Variants in NUP107 observed in about 807,000 individuals in gnomAD.
The protein encoded by NUP107 is nucleoporin 107.
NUP107 carries 101 observed loss-of-function variants against 141.0 expected under a neutral mutation model. The ratio of observed to expected loss-of-function variants is 0.72; its 90% CI spans 0.61 to 0.84. The LOEUF (loss-of-function observed/expected upper bound fraction) is 0.84, where lower values mean the gene tolerates loss of function less well. NUP107 is among the 40% of genes least tolerant of loss of function. The pLI, the probability that NUP107 is intolerant of heterozygous loss-of-function variation, is 0.00. For missense variants in NUP107, 941 were observed against 1,102.7 expected (o/e 0.85, Z 2.08); for synonymous variants, 319 against 363.9 (o/e 0.88, Z 1.41).
intron 5 of NUP107, among the ~76,000 whole-genome samples, chr12:68,692,894 C>T (rs1228914425): frequency 4.7e-5 from 7 of 149,620 alleles, no homozygotes; most frequent in African/African-American, 7.4e-5. Flanking sequence ...GGATTATAGG[C>T]GTCTGCTACC....
chr12:68,718,883 TATGTATG>T (rs1268942812), intron 12 of NUP107, among the ~76,000 whole-genome samples: 5 of 151,908 alleles, frequency 3.3e-5, no homozygotes, highest in African/African-American at 1.2e-4. Flanking sequence ...TGTATGTATG[TATGTATG>T]TATTTATTTA....
chr12:68,689,210 T>G (rs983918596), intron 2 of NUP107, among the ~76,000 whole-genome samples, 157 bp downstream of exon 2: 1 of 152,198 alleles, frequency 6.6e-6, no homozygotes, highest in Non-Finnish European at 1.5e-5. Flanking sequence ...GTAAATATAA[T>G]GCAAAAATTT....
Position 68,740,876 on chromosome 12 carries a change from T to TA in NUP107, c.2503-937_2503-936insA, listed in dbSNP as rs1325425396. Reference sequence around the variant, plus strand: ...TCATCTCTACAAATAATAAAATTATTTTTTTTTTTAAATAGAAAAATTAGC... The same window carrying TA: ...TCATCTCTACAAATAATAAAATTATTATTTTTTTTTAAATAGAAAAATTAGC... On this transcript the variant is annotated intron_variant, in intron 26 of 27. Coordinates refer to ENST00000229179, the MANE Select transcript of NUP107 (RefSeq NM_020401.4). Among the ~76,000 whole-genome samples, 3 of 150,138 alleles carry TA rather than the reference T, an allele frequency of 2.0e-5. No homozygotes were observed. The East Asian group carries it at 5.8e-4, about 29-fold the overall frequency.
At chr12:68,729,409 A>C (rs996678778) in intron 20 of NUP107, among the ~76,000 whole-genome samples, 2 of 152,084 alleles carry the variant, frequency 1.3e-5, no homozygotes, top group Non-Finnish European at 2.9e-5. Flanking sequence ...TCTACATATA[A>C]TGGATTTATG....
At chr12:68,700,035 T>C (rs1268547372) in intron 6 of NUP107, among the ~76,000 whole-genome samples, 1 of 152,140 alleles carries the variant, frequency 6.6e-6, no homozygotes, top group African/African-American at 2.4e-5. Flanking sequence ...CCTGAGTAGC[T>C]GGGATTATAG....
chr12:68,717,480 T>A (rs1457447443), intron 12 of NUP107, among the ~76,000 whole-genome samples: 5 of 151,650 alleles, frequency 3.3e-5, no homozygotes, highest in Admixed American at 3.3e-4. Flanking sequence ...ATTACATTAT[T>A]GATTTTGTGA....
At chr12:68,716,533 A>G (rs930455693) in intron 12 of NUP107, among the ~76,000 whole-genome samples, 1 of 152,082 alleles carries the variant, frequency 6.6e-6, no homozygotes, top group Non-Finnish European at 1.5e-5. Flanking sequence ...ACCTGACCCA[A>G]TCTTCATTAT....
chr12:68,694,022 G>T (rs755684655), intron 5 of NUP107, among the ~76,000 whole-genome samples: 5 of 152,132 alleles, frequency 3.3e-5, no homozygotes, highest in Non-Finnish European at 5.9e-5. Flanking sequence ...TAGAGAAAAG[G>T]AAACTACTGC....
At position 68,724,798 on chromosome 12, in the gene NUP107, C is replaced by A. The variant is rs575143922; in HGVS notation, c.1507-929C>A. On this transcript the variant is annotated intron_variant, in intron 17 of 27. Coordinates refer to ENST00000229179, the MANE Select transcript of NUP107 (RefSeq NM_020401.4). ...TCTGTCTCAAAAACAAACAAACAAA[C>A]AAAAAAAACCACACTGAAAGCAAAA... Among the ~76,000 whole-genome samples, 1,152 of 151,084 alleles carry A rather than the reference C, an allele frequency of 7.6e-3. 13 individuals carry two copies. The highest frequency in any genetic ancestry group is 0.026 in the African/African-American group (1,058 of 41,144).
intron 8 of NUP107, among the ~76,000 whole-genome samples, chr12:68,708,691 C>G (rs755576171): frequency 6.6e-6 from 1 of 152,018 alleles, no homozygotes; most frequent in Non-Finnish European, 1.5e-5. Context: ...GTGATCTCAG[C>G]TCACTGCAAC....
intron 1 of NUP107, chr12:68,687,367 G>A: frequency 1.1e-6 from 1 of 923,970 alleles, no homozygotes; most frequent in South Asian, 3.6e-5. Context: ...GGTAGGTAGC[G>A]CGGCGTTCGA....
chr12:68,694,361 A>G (rs1875947770), intron 5 of NUP107, among the ~76,000 whole-genome samples: 1 of 152,248 alleles, frequency 6.6e-6, no homozygotes, highest in Admixed American at 6.5e-5. Flanking sequence ...TAAAATAACT[A>G]GTATATCTTT....
intron 7 of NUP107, among the ~76,000 whole-genome samples, chr12:68,702,447 A>T (rs1369700478): frequency 1.3e-5 from 2 of 150,450 alleles, no homozygotes; most frequent in Non-Finnish European, 3.0e-5. Flanking sequence ...TTTTTAGTAG[A>T]GACGGGGTTT....
chr12:68,705,510 A>C, intron 8 of NUP107: 1 of 279,376 alleles, frequency 3.6e-6, no homozygotes, highest in South Asian at 3.7e-5. Context: ...AATTTAACCA[A>C]CTGCAGATCA....
chr12:68,725,412 C>T (rs1454658315), intron 17 of NUP107, among the ~76,000 whole-genome samples: 1 of 152,082 alleles, frequency 6.6e-6, no homozygotes. Context: ...TCTCGTCCAC[C>T]ATGTGTAGTG....
rs1876613340 is a variant in NUP107 at position 68,706,968 on chromosome 12, C to G, written c.730-2270C>G. 9 of 647,570 alleles carry G rather than the reference C, an allele frequency of 1.4e-5. No individual in the cohort carries two copies. In the Admixed American group the frequency reaches 2.2e-4, roughly 16 times the overall value. The allele number at this position is 647,570 out of a possible 1,614,324, so 40.1% of individuals were successfully genotyped here. On this transcript the variant is annotated intron_variant, in intron 8 of 27. Transcript: ENST00000229179. ...TCCAGCTTTGGCTCTGGTGCGGGCT[C>G]CAGTTCCTTCAGCTGCACCAGCTCC...
rs1371197695 is a variant in NUP107 at position 68,692,030 on chromosome 12, C to G, written c.366C>G (p.Phe122Leu). Reference protein sequence around the residue: ...AAFSSQRSGLFTNTEPHSITE... With the variant: ...AAFSSQRSGLLTNTEPHSITE... ...TTTCATCACAGCGTTCCGGGCTGTT[C>G]ACAAACACAGAGCCCCACAGTATAA... Residue 122 changes from phenylalanine to leucine, a missense_variant, in exon 5 of 28, where the codon TTC (phenylalanine) becomes TTG (leucine). Transcript: ENST00000229179. 6.2e-7 allele frequency: 1 copy of G among 1,611,674 alleles called. No homozygotes were observed. Among genetic ancestry groups the G allele is most frequent in the Non-Finnish European group, 8.5e-7 (1 of 1,178,640 alleles).
intron 8 of NUP107, 117 bp from the exon 9 acceptor site, chr12:68,709,121 G>A (rs975208919): frequency 3.0e-6 from 2 of 675,966 alleles, no homozygotes; most frequent in African/African-American, 3.7e-5. Context: ...AAATGTTTAT[G>A]TATAGATGAT....
chr12:68,690,375 A>G, intron 3 of NUP107: 1 of 516,688 alleles, frequency 1.9e-6, no homozygotes, highest in Non-Finnish European at 3.5e-6. Flanking sequence ...TTAACTGCTC[A>G]GTTATTCTAT....
Sources: allele counts gnomAD v4.1 joint callset (sites outside exome capture counted in the v4.1 genomes callset), GRCh38; gene constraint gnomAD v4.1.1; transcripts MANE v1.5; gene names NCBI Gene and HGNC (gene_info 2026-07-23, HGNC 2026-07-21).